Variants in PLAA observed in about 807,000 individuals in gnomAD.
PLAA encodes phospholipase A2 activating protein.
PLAA carries 48 observed loss-of-function variants against 84.1 expected under a neutral mutation model. That is an observed-to-expected ratio of 0.57 (90% CI 0.45 to 0.73). The LOEUF (loss-of-function observed/expected upper bound fraction) is 0.73. PLAA is among the 30% of genes least tolerant of loss of function. The pLI is 0.00. For missense variants in PLAA, 903 were observed against 954.7 expected (o/e 0.95, Z 0.71); for synonymous variants, 392 against 336.6 (o/e 1.16, Z -1.80).
At chr9:26,931,871 G>C (rs1021486256) in intron 2 of PLAA, among the ~76,000 whole-genome samples, 1 of 152,098 alleles carries the variant, frequency 6.6e-6, no homozygotes, top group Admixed American at 6.6e-5. Context: ...GATCACCAGA[G>C]GTCAGGAGTT....
intron 12 of PLAA, among the ~76,000 whole-genome samples, chr9:26,908,422 T>G (rs1429847568): frequency 6.6e-6 from 1 of 151,604 alleles, no homozygotes; most frequent in African/African-American, 2.4e-5. Flanking sequence ...CTCCTTAGCC[T>G]CCCGAAGTGC....
chr9:26,945,635 C>A (rs990090355), intron 1 of PLAA, among the ~76,000 whole-genome samples: 5 of 152,204 alleles, frequency 3.3e-5, no homozygotes, highest in African/African-American at 9.6e-5. Context: ...AACTTCTCAA[C>A]ACGGAAATCA....
intron 2 of PLAA, among the ~76,000 whole-genome samples, chr9:26,934,336 C>A (rs192510628): frequency 1.3e-5 from 2 of 152,064 alleles, no homozygotes; most frequent in Non-Finnish European, 2.9e-5. Flanking sequence ...AATACCAGAG[C>A]CCTAAACACA....
intron 12 of PLAA, among the ~76,000 whole-genome samples, chr9:26,909,062 C>T (rs966964356): frequency 1.3e-5 from 2 of 152,136 alleles, no homozygotes; most frequent in African/African-American, 4.8e-5. Context: ...TCCTTCAAAT[C>T]CTTCGCATGT....
chr9:26,930,983 A>C (rs1372037788), intron 2 of PLAA, among the ~76,000 whole-genome samples: 1 of 152,128 alleles, frequency 6.6e-6, no homozygotes, highest in Non-Finnish European at 1.5e-5. Flanking sequence ...AGAAAAAAAA[A>C]AACAGGACTT....
At chr9:26,917,638 C>A (rs1824605035) in intron 9 of PLAA, among the ~76,000 whole-genome samples, 1 of 152,050 alleles carries the variant, frequency 6.6e-6, no homozygotes, top group Non-Finnish European at 1.5e-5. Context: ...CAGAAGGGAA[C>A]AAAATTGCTT....
rs746726256 is a variant in PLAA at position 26,913,951 on chromosome 9, CA to C, written c.1487-5del. On this transcript the variant is annotated splice_polypyrimidine_tract_variant and splice_region_variant and intron_variant, in intron 10 of 13. Coordinates refer to ENST00000397292, the MANE Select transcript of PLAA (RefSeq NM_001031689.3). ...CCTGGTACATAACGACCAGCACCTA[CA>C]ATACAATAATACTCCTAGTAAGCAA... 1 of 1,603,914 alleles carries C rather than the reference CA, an allele frequency of 6.2e-7. No individual in the cohort carries two copies. The highest frequency in any genetic ancestry group is 1.1e-5 in the South Asian group (1 of 90,670).
intron 1 of PLAA, among the ~76,000 whole-genome samples, chr9:26,943,915 T>C (rs1025924952): frequency 3.3e-5 from 5 of 152,150 alleles, no homozygotes; most frequent in Non-Finnish European, 5.9e-5. Flanking sequence ...GATCATGCCA[T>C]TGCATTCCAG....
Position 26,905,355 on chromosome 9 carries a change from A to C in PLAA, c.*156T>G. 1 of 630,046 alleles carries C rather than the reference A, an allele frequency of 1.6e-6. No homozygotes were observed. Among genetic ancestry groups the C allele is most frequent in the Non-Finnish European group, 2.7e-6 (1 of 369,722 alleles). The allele number at this position is 630,046 out of a possible 1,614,324, so 39.0% of individuals were successfully genotyped here. On this transcript the variant is annotated 3_prime_UTR_variant, in exon 14 of 14. Coordinates refer to ENST00000397292, the MANE Select transcript of PLAA (RefSeq NM_001031689.3). ...AAATCTCACAGTTCAGCAGTGCAAA[A>C]ATTTTATTTCTGTTTCCCCTCCCCA...
At chr9:26,913,328 C>A (rs1824452242) in intron 11 of PLAA, among the ~76,000 whole-genome samples, 2 of 152,050 alleles carry the variant, frequency 1.3e-5, no homozygotes, top group Non-Finnish European at 2.9e-5. Context: ...GTATGTCAGA[C>A]TGTAGACTAG....
Position 26,907,816 on chromosome 9 carries a change from T to C in PLAA, c.1822+18A>G, listed in dbSNP as rs1824282981. The C allele has an allele frequency of 6.3e-7, 1 of 1,581,022 alleles. No homozygotes were observed. The highest frequency in any genetic ancestry group is 1.4e-5 in the African/African-American group (1 of 72,876). ...ACTTCTTGCTTTCTGGTTACATTTT[T>C]GAAGAGTGTTTATTTACCTTCAGGA... On this transcript the variant is annotated intron_variant, in intron 13 of 13. Transcript: ENST00000397292.
intron 7 of PLAA, 113 bp downstream of exon 7, chr9:26,923,065 A>C: frequency 1.3e-6 from 1 of 744,208 alleles, no homozygotes. Flanking sequence ...AAATCCTCAA[A>C]AATCAGCATC....
chr9:26,940,729 G>A (rs573798162), intron 1 of PLAA, among the ~76,000 whole-genome samples: 1 of 152,318 alleles, frequency 6.6e-6, no homozygotes, highest in East Asian at 1.9e-4. Context: ...TGAGGACAAA[G>A]AGGCAGGAAC....
chr9:26,928,083 G>T lies in PLAA; in HGVS notation c.565+17C>A. The T allele has an allele frequency of 6.2e-7, 1 of 1,601,312 alleles. No individual in the cohort carries two copies. The highest frequency in any genetic ancestry group is 1.1e-5 in the South Asian group (1 of 88,384). The stretch of plus-strand genomic sequence containing the variant: ...AAAAAGCAATGATATTATAAAACTT[G>T]TCTACCCTGATCTTACCTGAAAAAG... On this transcript the variant is annotated intron_variant, in intron 4 of 13. Coordinates refer to ENST00000397292, the MANE Select transcript of PLAA (RefSeq NM_001031689.3).
At chr9:26,907,282 T>C (rs1249681990) in intron 13 of PLAA, among the ~76,000 whole-genome samples, 2 of 152,098 alleles carry the variant, frequency 1.3e-5, no homozygotes, top group Non-Finnish European at 2.9e-5. Flanking sequence ...GGCTCACGCC[T>C]GTAATCCCAG....
rs112018742 is a variant in PLAA at position 26,941,091 on chromosome 9, T to C, written c.149+5806A>G. Among the ~76,000 whole-genome samples, 9 of 151,562 alleles carry C rather than the reference T, an allele frequency of 5.9e-5. 2 individuals are homozygous for C. The highest frequency in any genetic ancestry group is 2.2e-4 in the African/African-American group (9 of 41,294). On this transcript the variant is annotated intron_variant, in intron 1 of 13. Coordinates refer to ENST00000397292, the MANE Select transcript of PLAA (RefSeq NM_001031689.3). ...GTGTCTTCCCAAGTCCCTAGCACAA[T>C]GTTTTAAATGGTTAGCATTAAGTAT...
chr9:26,937,203 G>A (rs943414884), intron 1 of PLAA, among the ~76,000 whole-genome samples: 4 of 152,048 alleles, frequency 2.6e-5, no homozygotes, highest in Admixed American at 6.6e-5. Context: ...CCTCTTCTGG[G>A]AGCAAGATAA....
intron 10 of PLAA, 94 bp downstream of exon 10, chr9:26,917,003 A>T: frequency 9.8e-7 from 1 of 1,021,218 alleles, no homozygotes; most frequent in Non-Finnish European, 1.5e-6. Flanking sequence ...GGAATTACCA[A>T]TTACTGGATG....
chr9:26,945,436 T>C (rs1825662919), intron 1 of PLAA, among the ~76,000 whole-genome samples: 1 of 152,226 alleles, frequency 6.6e-6, no homozygotes, highest in Non-Finnish European at 1.5e-5. Context: ...TAAGTAGTTT[T>C]GGATATTATA....
Sources: allele counts gnomAD v4.1 joint callset (sites outside exome capture counted in the v4.1 genomes callset), GRCh38; gene constraint gnomAD v4.1.1; transcripts MANE v1.5; gene names NCBI Gene and HGNC (gene_info 2026-07-23, HGNC 2026-07-21).